The following IFT80 variants were observed in gnomAD, a reference collection of about 807,000 sequenced individuals.
IFT80 encodes intraflagellar transport 80.
Under a neutral mutation model 107.9 loss-of-function variants are expected in IFT80, and 79 were observed. That is an observed-to-expected ratio of 0.73 (90% CI 0.61 to 0.88). The LOEUF is 0.88. Among genes scored for constraint, IFT80 ranks in the 40% least tolerant of loss-of-function variants. IFT80 has a pLI of 0.00. For missense variants in IFT80, 797 were observed against 914.2 expected, an observed-to-expected ratio of 0.87 and a Z score of 1.65; for synonymous variants, 299 against 300.9, an observed-to-expected ratio of 0.99 and a Z score of 0.07.
At position 160,319,943 on chromosome 3, in the gene IFT80, G is replaced by A. The variant is rs760577994; in HGVS notation, c.778-4C>T. 1.2e-5 allele frequency: 19 copies of A among 1,607,158 alleles called. No homozygotes were observed. Among genetic ancestry groups the A allele is most frequent in the Non-Finnish European group, 1.6e-5 (19 of 1,177,900 alleles). On this transcript the variant is annotated splice_polypyrimidine_tract_variant and splice_region_variant and intron_variant, in intron 8 of 19. Coordinates refer to ENST00000326448, the MANE Select transcript of IFT80 (RefSeq NM_020800.3). ...GTTTTTCTAATGCATATGACCACTG[G>A]GGGAGAAAAAACAAGAAAAAGATGG...
chr3:160,331,051 A>AGC lies in IFT80; in HGVS notation c.778-11114_778-11113dup, dbSNP rs565039253. 8.5e-4 allele frequency among the ~76,000 whole-genome samples: 129 copies of AGC among 152,324 alleles called. 1 individual carries two copies. Among genetic ancestry groups the AGC allele is most frequent in the African/African-American group, 3.1e-3 (128 of 41,584 alleles). The stretch of plus-strand genomic sequence containing the variant: ...TTTTACCATAGATGTTAGCAACCTC[A>AGC]GCCTACCATCTTTTTCTAATTGAGA... On this transcript the variant is annotated intron_variant, in intron 8 of 19. Coordinates refer to ENST00000326448, the MANE Select transcript of IFT80 (RefSeq NM_020800.3).
intron 6 of IFT80, among the ~76,000 whole-genome samples, chr3:160,358,683 A>G (rs1359297300): frequency 6.6e-6 from 1 of 152,212 alleles, no homozygotes; most frequent in Non-Finnish European, 1.5e-5. Context: ...ATTTTAAAGG[A>G]ACAAAATAAA....
At chr3:160,336,401 A>T (rs1263698376) in intron 8 of IFT80, among the ~76,000 whole-genome samples, 1 of 152,224 alleles carries the variant, frequency 6.6e-6, no homozygotes, top group Non-Finnish European at 1.5e-5. Flanking sequence ...CTTTCTAAAA[A>T]GTTAATTTTT....
chr3:160,395,498 G>A (rs1043442800), intron 1 of IFT80, among the ~76,000 whole-genome samples: 3 of 152,172 alleles, frequency 2.0e-5, no homozygotes, highest in Non-Finnish European at 4.4e-5. Flanking sequence ...TGTGGCATGA[G>A]GCCCAGACTT....
rs202127669 is a variant in IFT80 at position 160,375,782 on chromosome 3, A to G, written c.439+30T>C. 6.4e-6 allele frequency: 10 copies of G among 1,552,666 alleles called. No individual in the cohort carries two copies. The East Asian group carries it at 1.8e-4, about 28-fold the overall frequency. On this transcript the variant is annotated intron_variant, in intron 5 of 19. Transcript: ENST00000326448. ...GGCATTTTTGTATTGTATAATTTGC[A>G]AAAATGAAATTGTCAATTGTAAAAC...
intron 9 of IFT80, among the ~76,000 whole-genome samples, chr3:160,312,611 TAAATATATAATATA>T (rs1717365814): frequency 2.8e-5 from 2 of 70,832 alleles, no homozygotes; most frequent in Admixed American, 4.7e-4. Context: ...ATATTATATA[TAAATATATAATATA>T]TATATATAAT....
chr3:160,369,980 C>T (rs1403127330), intron 5 of IFT80, among the ~76,000 whole-genome samples: 1 of 151,988 alleles, frequency 6.6e-6, no homozygotes, highest in Non-Finnish European at 1.5e-5. Flanking sequence ...AAATGTCAGA[C>T]CCTTATCTCT....
chr3:160,285,919 G>A, intron 12 of IFT80, 51 bp from the exon 13 acceptor site: 2 of 1,298,864 alleles, frequency 1.5e-6, no homozygotes, highest in Non-Finnish European at 2.2e-6. Context: ...AATTTTTACT[G>A]GTAAAATTCA....
chr3:160,358,930 T>C (rs1203836511), intron 6 of IFT80, among the ~76,000 whole-genome samples: 3 of 152,226 alleles, frequency 2.0e-5, no homozygotes, highest in Admixed American at 6.5e-5. Flanking sequence ...GCCTGGTATA[T>C]AACAGGTATG....
chr3:160,366,392 T>C (rs1261361663), intron 5 of IFT80, among the ~76,000 whole-genome samples: 1 of 152,066 alleles, frequency 6.6e-6, no homozygotes, highest in Admixed American at 6.6e-5. Context: ...CTAATTAGGA[T>C]CTTGCTGAGA....
rs1711981915 is a variant in IFT80, at chr3:160,375,944, T to C, written c.371-64A>G. The C allele has an allele frequency of 9.3e-6, 10 of 1,075,832 alleles. No homozygotes were observed. The South Asian group carries it at 1.2e-4, about 13-fold the overall frequency. 66.6% of individuals were successfully genotyped at this position (1,075,832 alleles called of 1,614,324 possible). ...ATAGAAAATAAATTTAAACATTAAA[T>C]TTGCATATAAGAATCAACAGTATCT... On this transcript the variant is annotated intron_variant, in intron 4 of 19. Coordinates refer to ENST00000326448, the MANE Select transcript of IFT80 (RefSeq NM_020800.3).
At chr3:160,259,067 C>T (rs1712597386) in intron 19 of IFT80, among the ~76,000 whole-genome samples, 1 of 152,096 alleles carries the variant, frequency 6.6e-6, no homozygotes, top group Non-Finnish European at 1.5e-5. Flanking sequence ...GTGATTGCAC[C>T]ATTGCACTCC....
chr3:160,386,582 A>G (rs1276200281), intron 1 of IFT80, among the ~76,000 whole-genome samples: 2 of 152,180 alleles, frequency 1.3e-5, no homozygotes, highest in Non-Finnish European at 2.9e-5. Flanking sequence ...ATGAGGCTTG[A>G]GAGGAAAAAA....
chr3:160,294,377 T>C (rs1715813109), intron 12 of IFT80, among the ~76,000 whole-genome samples: 2 of 152,172 alleles, frequency 1.3e-5, no homozygotes, highest in South Asian at 2.1e-4. Flanking sequence ...CGTGCCACTA[T>C]GCCTGCCTAA....
Position 160,268,948 on chromosome 3 carries a change from G to A in IFT80, c.2100-412C>T, listed in dbSNP as rs370958253. ...AATATGCATTGAAAATATTTTTGAG[G>A]CTGGGCACAGTGGTTCATGCCTGTA... On this transcript the variant is annotated intron_variant, in intron 18 of 19. Coordinates refer to ENST00000326448, the MANE Select transcript of IFT80 (RefSeq NM_020800.3). Among the ~76,000 whole-genome samples, 16 of 152,192 alleles carry A rather than the reference G, an allele frequency of 1.1e-4. No homozygotes were observed. The East Asian group carries it at 1.2e-3, about 11-fold the overall frequency.
intron 1 of IFT80, among the ~76,000 whole-genome samples, chr3:160,395,846 C>T (rs1713732502): frequency 6.6e-6 from 1 of 152,138 alleles, no homozygotes; most frequent in African/African-American, 2.4e-5. Flanking sequence ...TTTCTCAAGA[C>T]AATTTGGATT....
chr3:160,279,079 C>T (rs889006587), intron 16 of IFT80, 114 bp downstream of exon 16: 11 of 771,066 alleles, frequency 1.4e-5, no homozygotes, highest in Non-Finnish European at 2.4e-5. Context: ...TAAAAAAAGA[C>T]ATGATCTTAT....
chr3:160,310,876 C>T (rs1351365351), intron 9 of IFT80, among the ~76,000 whole-genome samples: 2 of 152,146 alleles, frequency 1.3e-5, no homozygotes, highest in Non-Finnish European at 2.9e-5. Context: ...TGGCTTATGC[C>T]TTTATTCCCA....
chr3:160,339,157 C>A (rs942628307), intron 8 of IFT80, among the ~76,000 whole-genome samples: 1 of 152,096 alleles, frequency 6.6e-6, no homozygotes, highest in Non-Finnish European at 1.5e-5. Flanking sequence ...TTGAGCTGTA[C>A]ACATAAGATA....
Sources: gnomAD v4.1 joint callset for allele counts (sites outside exome capture counted in the v4.1 genomes callset) on GRCh38, gnomAD v4.1.1 for gene constraint, MANE v1.5 for transcripts, NCBI Gene and HGNC (gene_info 2026-07-23, HGNC 2026-07-21) for gene names.